The following CARMIL1 variants were observed in gnomAD, a reference collection of about 807,000 sequenced individuals.
CARMIL1 encodes the protein capping protein regulator and myosin 1 linker 1.
A neutral mutation model predicts 177.1 loss-of-function variants in CARMIL1; 90 were observed. That is an observed-to-expected ratio of 0.51 (90% CI 0.43 to 0.61). The LOEUF is 0.61. CARMIL1 is among the 20% of genes least tolerant of loss of function. The pLI, the probability that CARMIL1 is intolerant of heterozygous loss-of-function variation, is 0.00. For missense variants in CARMIL1, 1,380 were observed against 1,667.0 expected (o/e 0.83, Z 3.00); for synonymous variants, 577 against 606.2 (o/e 0.95, Z 0.71).
chr6:25,500,113 C>T (rs549632799), intron 16 of CARMIL1, 53 bp from the exon 17 acceptor site: 1,135 of 1,526,172 alleles, frequency 7.4e-4, no homozygotes, highest in Non-Finnish European at 9.3e-4. Flanking sequence ...TGCATTTTTT[C>T]TTTTGGGCAG....
chr6:25,534,953 C>T (rs1808141394), intron 24 of CARMIL1, among the ~76,000 whole-genome samples: 1 of 152,200 alleles, frequency 6.6e-6, no homozygotes, highest in South Asian at 2.1e-4. Flanking sequence ...TGAGCAACCA[C>T]AGATGGCATT....
chr6:25,511,963 G>C (rs1489936291), intron 20 of CARMIL1, among the ~76,000 whole-genome samples: 1 of 152,108 alleles, frequency 6.6e-6, no homozygotes, highest in Non-Finnish European at 1.5e-5. Context: ...ATTGAAATTA[G>C]GGGTATAATT....
At chr6:25,420,373 G>A in intron 3 of CARMIL1, 1 of 555,336 alleles carries the variant, frequency 1.8e-6, no homozygotes, top group Non-Finnish European at 3.2e-6. Flanking sequence ...CTTCCCAGAA[G>A]CACCTAAAGG....
intron 17 of CARMIL1, among the ~76,000 whole-genome samples, chr6:25,505,936 G>A (rs1804866915): frequency 6.6e-6 from 1 of 152,188 alleles, no homozygotes; most frequent in Admixed American, 6.5e-5. Flanking sequence ...GTAGGCCTGG[G>A]TGTGGGAGTT....
At chr6:25,367,447 G>A (rs756825441) in intron 2 of CARMIL1, among the ~76,000 whole-genome samples, 3 of 152,184 alleles carry the variant, frequency 2.0e-5, no homozygotes, top group Admixed American at 1.3e-4. Flanking sequence ...AGCAGGAAGT[G>A]TGGGGGTTGC....
chr6:25,576,931 C>T (rs908594460), intron 29 of CARMIL1: 9 of 936,422 alleles, frequency 9.6e-6, no homozygotes, highest in Non-Finnish European at 1.1e-5. Context: ...GTTGCTTTAT[C>T]TCTCTTCCAT....
Position 25,434,585 on chromosome 6 carries a change from A to G in CARMIL1, c.250-898A>G, listed in dbSNP as rs533319282. Among the ~76,000 whole-genome samples, 7 of 138,594 alleles carry G rather than the reference A, an allele frequency of 5.1e-5. 1 individual carries two copies. In the South Asian group the frequency reaches 1.6e-3, roughly 32 times the overall value. 90.9% of individuals were successfully genotyped at this position (138,594 alleles called of 152,430 possible). ...TGTCATCAGGCTGGAGTGCAGTGGC[A>G]CGATCTCGGCTCCCTGCAACCTCCG... On this transcript the variant is annotated intron_variant, in intron 4 of 36. Coordinates refer to ENST00000329474, the MANE Select transcript of CARMIL1 (RefSeq NM_017640.6).
intron 5 of CARMIL1, among the ~76,000 whole-genome samples, chr6:25,436,070 T>C (rs1202315820): frequency 6.6e-6 from 1 of 152,204 alleles, no homozygotes; most frequent in African/African-American, 2.4e-5. Context: ...CTTTTTTTCA[T>C]TGTCCTGTTA....
Position 25,588,361 on chromosome 6 carries a change from C to T in CARMIL1, c.3007-6054C>T, listed in dbSNP as rs530707492. ...ATTATGGGTATTTCTGGCCAGGGGA[C>T]ACTACAGTTGTCAGGGATCCAGGCT... On this transcript the variant is annotated intron_variant, in intron 31 of 36. Transcript: ENST00000329474. Among the ~76,000 whole-genome samples, 17 of 152,012 alleles carry T rather than the reference C, an allele frequency of 1.1e-4. No homozygotes were observed. In the South Asian group the frequency reaches 2.7e-3, roughly 24 times the overall value.
intron 2 of CARMIL1, among the ~76,000 whole-genome samples, chr6:25,360,161 T>G (rs1444020508): frequency 6.6e-6 from 1 of 152,174 alleles, no homozygotes; most frequent in Non-Finnish European, 1.5e-5. Context: ...TTGTAAAACC[T>G]GCACTGCATT....
chr6:25,327,687 TTA>T (rs1491201983), intron 2 of CARMIL1, among the ~76,000 whole-genome samples: 1 of 152,192 alleles, frequency 6.6e-6, no homozygotes, highest in Admixed American at 6.5e-5. Flanking sequence ...ACATTCAAGA[TTA>T]AAAAAAAATT....
At chr6:25,427,430 A>G (rs1796368376) in intron 4 of CARMIL1, among the ~76,000 whole-genome samples, 1 of 152,174 alleles carries the variant, frequency 6.6e-6, no homozygotes, top group South Asian at 2.1e-4. Flanking sequence ...TTGTGTGGCT[A>G]TATTACAGTT....
intron 9 of CARMIL1, among the ~76,000 whole-genome samples, chr6:25,466,292 C>T (rs1474919444): frequency 6.6e-6 from 1 of 152,174 alleles, no homozygotes; most frequent in Non-Finnish European, 1.5e-5. Context: ...TCCTATCTTA[C>T]ACTCTGTCTC....
At chr6:25,328,625 A>G (rs911721964) in intron 2 of CARMIL1, among the ~76,000 whole-genome samples, 1 of 152,134 alleles carries the variant, frequency 6.6e-6, no homozygotes, top group Non-Finnish European at 1.5e-5. Flanking sequence ...AAGTTTTGCT[A>G]TACAAGCTTA....
chr6:25,314,725 A>G lies in CARMIL1; in HGVS notation c.138+29816A>G, dbSNP rs1784142135. On this transcript the variant is annotated intron_variant, in intron 2 of 36. Coordinates refer to ENST00000329474, the MANE Select transcript of CARMIL1 (RefSeq NM_017640.6). ...CAGATATTTACCAACAGTTGAGTAT[A>G]TACTTGGCTTTATTGCAGGACCTGG... 2.0e-5 allele frequency among the ~76,000 whole-genome samples: 3 copies of G among 152,124 alleles called. No individual in the cohort carries two copies. The South Asian group carries it at 6.2e-4, about 31-fold the overall frequency.
At chr6:25,503,623 T>C (rs9358859) in intron 17 of CARMIL1, among the ~76,000 whole-genome samples, 17,072 of 152,242 alleles carry the variant, frequency 0.11, 1,294 homozygotes, top group East Asian at 0.31. Flanking sequence ...CATGAATATG[T>C]ATATTTTCTT....
intron 17 of CARMIL1, among the ~76,000 whole-genome samples, chr6:25,501,992 TAAAAAA>T (rs34408599): frequency 1.0e-5 from 1 of 97,258 alleles, no homozygotes; most frequent in African/African-American, 4.0e-5. Context: ...AGACATATTG[TAAAAAA>T]AAAAAAAAAA....
intron 35 of CARMIL1, among the ~76,000 whole-genome samples, chr6:25,608,699 C>T (rs1816224822): frequency 1.3e-5 from 2 of 152,208 alleles, no homozygotes. Context: ...ACAGCTCTGA[C>T]AGATGGTGAA....
chr6:25,440,364 T>G lies in CARMIL1; in HGVS notation c.371+4760T>G, dbSNP rs77680150. ...AAGGCAATTCACATGAAGAGACCAA[T>G]TGGAGAGAAGGTGCAGATTATAATT... On this transcript the variant is annotated intron_variant, in intron 5 of 36. Transcript: ENST00000329474. Among the ~76,000 whole-genome samples, 1,101 of 152,306 alleles carry G rather than the reference T, an allele frequency of 7.2e-3. 9 individuals carry two copies. The highest frequency in any genetic ancestry group is 0.011 in the Non-Finnish European group (749 of 68,030).
Sources: gnomAD v4.1 joint callset for allele counts (sites outside exome capture counted in the v4.1 genomes callset) on GRCh38, gnomAD v4.1.1 for gene constraint, MANE v1.5 for transcripts, NCBI Gene and HGNC (gene_info 2026-07-23, HGNC 2026-07-21) for gene names.